The following NFIA variants were observed in gnomAD, a reference collection of about 807,000 sequenced individuals.
NFIA encodes nuclear factor 1 A-type.
A neutral mutation model predicts 62.8 loss-of-function variants in NFIA; 8 were observed. That is an observed-to-expected ratio of 0.13 (90% CI 0.07 to 0.23). The LOEUF is 0.23. Among genes scored for constraint, NFIA ranks in the 10% least tolerant of loss-of-function variants. The probability of loss-of-function intolerance (pLI) is 1.00; values close to 1 mark genes in which losing one functional copy is unlikely to be tolerated. For synonymous variants in NFIA, 235 were observed against 238.1 expected (o/e 0.99, Z 0.12); for missense variants, 410 against 642.1 (o/e 0.64, Z 3.91).
At chr1:61,418,578 A>G (rs1024179237) in intron 9 of NFIA, among the ~76,000 whole-genome samples, 6 of 152,292 alleles carry the variant, frequency 3.9e-5, no homozygotes, top group East Asian at 1.9e-4. Context: ...ATATGTGTGT[A>G]TTATACAGTT....
chr1:61,186,906 G>T (rs775520757), intron 2 of NFIA, among the ~76,000 whole-genome samples: 2 of 152,142 alleles, frequency 1.3e-5, no homozygotes, highest in Non-Finnish European at 2.9e-5. Flanking sequence ...AAATGTCAGT[G>T]CTGGGATCTC....
At chr1:61,355,264 T>C (rs919468742) in intron 5 of NFIA, among the ~76,000 whole-genome samples, 3 of 151,968 alleles carry the variant, frequency 2.0e-5, no homozygotes, top group Middle Eastern at 3.2e-3. Flanking sequence ...TCTGGGAAAA[T>C]GAGTGTGTTA....
intron 9 of NFIA, among the ~76,000 whole-genome samples, chr1:61,423,057 A>C (rs565607337): frequency 5.9e-5 from 9 of 152,264 alleles, no homozygotes; most frequent in African/African-American, 2.2e-4. Context: ...GGATTTTGAA[A>C]CTTACTGCTG....
intron 2 of NFIA, among the ~76,000 whole-genome samples, chr1:61,094,153 A>G (rs553159091): frequency 6.6e-6 from 1 of 152,354 alleles, no homozygotes; most frequent in South Asian, 2.1e-4. Context: ...CCATTTTAGT[A>G]ATAATTTTCC....
At chr1:61,149,238 A>G (rs750570347) in intron 2 of NFIA, among the ~76,000 whole-genome samples, 4 of 152,114 alleles carry the variant, frequency 2.6e-5, no homozygotes, top group Non-Finnish European at 5.9e-5. Context: ...AGTTTGCTGC[A>G]TAGTAGGAGC....
At chr1:61,200,010 GTATATATA>G (rs60422302) in intron 2 of NFIA, among the ~76,000 whole-genome samples, 879 of 52,562 alleles carry the variant, frequency 0.017, 21 homozygotes, top group Non-Finnish European at 0.022. Flanking sequence ...ATATATATAT[GTATATATA>G]TATATATATA....
Position 61,241,036 on chromosome 1 carries a change from A to T in NFIA, c.560-36484A>T, listed in dbSNP as rs547406679. ...TGGTTTATAATTTCTTTACCTAAGG[A>T]GAGTTTTGTGCTGCATGACTCCTTA... On this transcript the variant is annotated intron_variant, in intron 2 of 10. Coordinates refer to ENST00000403491, the MANE Select transcript of NFIA (RefSeq NM_001134673.4). Among the ~76,000 whole-genome samples the T allele has an allele frequency of 5.9e-3, 902 of 151,836 alleles. 7 individuals carry two copies. The highest frequency in any genetic ancestry group is 0.02 in the African/African-American group (842 of 41,420).
chr1:61,235,810 C>T (rs1305790539), intron 2 of NFIA, among the ~76,000 whole-genome samples: 2 of 135,024 alleles, frequency 1.5e-5, no homozygotes, highest in African/African-American at 5.5e-5. Context: ...AAGATCCTGT[C>T]TCAAAAAAAA....
rs775669624 is a variant in NFIA at position 61,406,548 on chromosome 1, C to T, written c.1255-14C>T. On this transcript the variant is annotated splice_polypyrimidine_tract_variant and intron_variant, in intron 8 of 10. Transcript: ENST00000403491. ...TTCTTGTACGTGTGTTTTCTGCCCC[C>T]CCCCCCCCCACAGCCCAATGGGAGC... is the stretch of plus-strand genomic sequence containing the variant. 31 of 933,484 alleles carry T rather than the reference C, an allele frequency of 3.3e-5. 2 individuals carry two copies. The highest frequency in any genetic ancestry group is 1.5e-4 in the African/African-American group (8 of 55,160). 57.8% of individuals were successfully genotyped at this position (933,484 alleles called of 1,614,324 possible). A position where few individuals can be genotyped will look rare whatever the true frequency, so the allele number is the denominator to read the frequency against.
chr1:61,100,911 A>G (rs926981106), intron 2 of NFIA, among the ~76,000 whole-genome samples: 3 of 151,292 alleles, frequency 2.0e-5, no homozygotes, highest in African/African-American at 7.3e-5. Context: ...GAAGTTTTAA[A>G]CATTTGTAGA....
chr1:61,411,435 A>G (rs1666098017), intron 9 of NFIA, among the ~76,000 whole-genome samples: 1 of 152,162 alleles, frequency 6.6e-6, no homozygotes, highest in African/African-American at 2.4e-5. Context: ...CATAACCTGT[A>G]AGAGCATTTC....
At chr1:61,359,381 C>T in intron 6 of NFIA, 107 bp downstream of exon 6, 1 of 1,504,864 alleles carries the variant, frequency 6.6e-7, no homozygotes, top group Non-Finnish European at 9.0e-7. Flanking sequence ...CAAGGTAGTT[C>T]ACTTTTTCAG....
chr1:61,098,568 G>GT (rs1277691851), intron 2 of NFIA, among the ~76,000 whole-genome samples: 1 of 152,196 alleles, frequency 6.6e-6, no homozygotes, highest in Non-Finnish European at 1.5e-5. Flanking sequence ...GTTCAACAGC[G>GT]TAACTATTGT....
intron 2 of NFIA, among the ~76,000 whole-genome samples, chr1:61,269,429 C>T (rs1234383934): frequency 2.0e-5 from 3 of 152,150 alleles, no homozygotes; most frequent in Non-Finnish European, 4.4e-5. Flanking sequence ...TGACATGAAT[C>T]TGTCATTACC....
intron 7 of NFIA, among the ~76,000 whole-genome samples, chr1:61,395,873 T>C (rs895214531): frequency 3.3e-5 from 5 of 152,246 alleles, no homozygotes; most frequent in African/African-American, 4.8e-5. Flanking sequence ...AGACTGAGTC[T>C]AGATATACTG....
chr1:61,258,337 C>T (rs533468106), intron 2 of NFIA, among the ~76,000 whole-genome samples: 3 of 152,220 alleles, frequency 2.0e-5, no homozygotes, highest in Admixed American at 6.5e-5. Context: ...AGTTTGTTGC[C>T]AGCCTGACAT....
At chr1:61,347,101 G>A (rs9436636) in intron 4 of NFIA, among the ~76,000 whole-genome samples, 61,604 of 149,918 alleles carry the variant, frequency 0.41, 13,074 homozygotes, top group African/African-American at 0.5. Context: ...CAGTTGCCTT[G>A]TGATTGTTCC....
chr1:61,086,012 T>C (rs1646212551), intron 1 of NFIA, among the ~76,000 whole-genome samples: 1 of 152,076 alleles, frequency 6.6e-6, no homozygotes, highest in Non-Finnish European at 1.5e-5. Context: ...TTTTAAATGC[T>C]TATTATCATT....
intron 2 of NFIA, among the ~76,000 whole-genome samples, chr1:61,139,102 C>T (rs942910489): frequency 4.6e-5 from 7 of 152,020 alleles, no homozygotes; most frequent in Non-Finnish European, 1.0e-4. Flanking sequence ...TGCTTGAACC[C>T]GGGAGGCGGA....
Sources: allele counts gnomAD v4.1 joint callset (sites outside exome capture counted in the v4.1 genomes callset), GRCh38; gene constraint gnomAD v4.1.1; transcripts MANE v1.5; gene names NCBI Gene and HGNC (gene_info 2026-07-23, HGNC 2026-07-21).